The following CACNB4 variants were observed in gnomAD, a reference collection of about 807,000 sequenced individuals.
CACNB4 encodes voltage-dependent L-type calcium channel subunit beta-4.
A neutral mutation model predicts 71.2 loss-of-function variants in CACNB4; 32 were observed. The observed-to-expected ratio is 0.45, with a 90% CI of 0.34 to 0.60. CACNB4 has a LOEUF of 0.60. Among genes scored for constraint, CACNB4 ranks in the 20% least tolerant of loss-of-function variants. CACNB4 has a pLI of 0.01. For missense variants in CACNB4, 464 were observed against 647.9 expected, an observed-to-expected ratio of 0.72 and a Z score of 3.08; for synonymous variants, 231 against 236.9, an observed-to-expected ratio of 0.97 and a Z score of 0.23.
intron 2 of CACNB4, among the ~76,000 whole-genome samples, chr2:151,965,238 C>A (rs140440089): frequency 6.6e-6 from 1 of 152,318 alleles, no homozygotes; most frequent in Admixed American, 6.5e-5. Flanking sequence ...TTGACAAATA[C>A]TTGCCTCCAG....
At chr2:152,034,775 A>T (rs1463726899) in intron 2 of CACNB4, among the ~76,000 whole-genome samples, 1 of 152,184 alleles carries the variant, frequency 6.6e-6, no homozygotes, top group Non-Finnish European at 1.5e-5. Flanking sequence ...CCCCTGGGGT[A>T]AGGAAAAAAA....
intron 2 of CACNB4, among the ~76,000 whole-genome samples, chr2:152,024,294 C>A (rs920764716): frequency 6.6e-6 from 1 of 152,224 alleles, no homozygotes; most frequent in Non-Finnish European, 1.5e-5. Flanking sequence ...CACTGTACCT[C>A]TGTGCCTGGG....
At chr2:151,921,774 ATAGTGAGTTCT>A (rs745824326) in intron 2 of CACNB4, among the ~76,000 whole-genome samples, 23 of 152,168 alleles carry the variant, frequency 1.5e-4, no homozygotes, top group Admixed American at 3.3e-4. Flanking sequence ...TGTTCTTGTG[ATAGTGAGTTCT>A]CACGAGATCT....
chr2:152,083,857 C>T (rs139442927), intron 2 of CACNB4, among the ~76,000 whole-genome samples: 14 of 152,346 alleles, frequency 9.2e-5, no homozygotes, highest in African/African-American at 2.6e-4. Context: ...GTGCCCTCCT[C>T]TGTCCCAAGG....
intron 2 of CACNB4, among the ~76,000 whole-genome samples, chr2:151,979,347 G>A (rs1453915404): frequency 2.0e-5 from 3 of 152,070 alleles, no homozygotes; most frequent in Admixed American, 1.3e-4. Flanking sequence ...ATAAGAGAGT[G>A]AGTGTAGGCA....
Position 151,982,632 on chromosome 2 carries a change from C to CAA in CACNB4, c.148-99264_148-99263dup, listed in dbSNP as rs1227164462. On this transcript the variant is annotated intron_variant, in intron 2 of 13. Transcript: ENST00000539935. ...TGGACGACAGAGCGAGACTCCGTCTCAAAAAAAAAAAAAAAAAAAAGATAC... is the reference window on the plus strand; with the variant it reads ...TGGACGACAGAGCGAGACTCCGTCTCAAAAAAAAAAAAAAAAAAAAAAGATAC... 5.9e-3 allele frequency among the ~76,000 whole-genome samples: 379 copies of CAA among 63,922 alleles called. 3 individuals carry two copies. Among genetic ancestry groups the CAA allele is most frequent in the Non-Finnish European group, 9.4e-3 (264 of 28,168 alleles). 41.9% of individuals were successfully genotyped at this position (63,922 alleles called of 152,430 possible).
At chr2:151,899,295 T>C (rs898363406) in intron 2 of CACNB4, among the ~76,000 whole-genome samples, 1 of 152,090 alleles carries the variant, frequency 6.6e-6, no homozygotes, top group Admixed American at 6.5e-5. Flanking sequence ...TGGTCTTAGA[T>C]GAGGAAGAAA....
intron 9 of CACNB4, among the ~76,000 whole-genome samples, chr2:151,864,862 G>A (rs140888103): frequency 6.6e-6 from 1 of 152,198 alleles, no homozygotes; most frequent in South Asian, 2.1e-4. Flanking sequence ...AATTATTGGA[G>A]ATTTAAAGAC....
At chr2:152,065,410 G>C (rs1051943877) in intron 2 of CACNB4, among the ~76,000 whole-genome samples, 7 of 151,640 alleles carry the variant, frequency 4.6e-5, no homozygotes, top group Non-Finnish European at 8.8e-5. Context: ...AAGAGAGAGA[G>C]AGAAGTTACA....
chr2:151,985,294 C>T (rs372236025), intron 2 of CACNB4, among the ~76,000 whole-genome samples: 2 of 152,108 alleles, frequency 1.3e-5, no homozygotes, highest in East Asian at 3.9e-4. Context: ...ATAAGTGTTC[C>T]CCACATTACT....
rs558033024 is a variant in CACNB4, at chr2:151,992,096, G to T, written c.147+106234C>A. On this transcript the variant is annotated intron_variant, in intron 2 of 13. Transcript: ENST00000539935. ...CCCCCCTTCACCATTGGTGGAGAGG[G>T]CATTAAGTTTCCTCTATTTGGAGAC... Among the ~76,000 whole-genome samples the T allele has an allele frequency of 2.0e-5, 3 of 152,282 alleles. No homozygotes were observed. The South Asian group carries it at 6.2e-4, about 32-fold the overall frequency.
At chr2:151,939,391 G>A (rs554292590) in intron 2 of CACNB4, among the ~76,000 whole-genome samples, 7 of 152,326 alleles carry the variant, frequency 4.6e-5, no homozygotes, top group African/African-American at 1.4e-4. Context: ...TGAGAGTCAG[G>A]AGGAGTGGAG....
chr2:151,918,626 C>T (rs990889218), intron 2 of CACNB4, among the ~76,000 whole-genome samples: 3 of 152,196 alleles, frequency 2.0e-5, no homozygotes, highest in East Asian at 1.9e-4. Context: ...GCTTTATCTA[C>T]CAGAGCTGTG....
At chr2:151,909,461 A>G (rs1049989375) in intron 2 of CACNB4, among the ~76,000 whole-genome samples, 1 of 131,764 alleles carries the variant, frequency 7.6e-6, no homozygotes, top group African/African-American at 2.5e-5. Flanking sequence ...AAAAAAAAAA[A>G]ACAAAAAATG....
At chr2:152,061,293 C>T (rs1419454049) in intron 2 of CACNB4, among the ~76,000 whole-genome samples, 2 of 152,024 alleles carry the variant, frequency 1.3e-5, no homozygotes, top group East Asian at 3.9e-4. Flanking sequence ...GCTTGGGTGA[C>T]AGAGCAAGAT....
intron 3 of CACNB4, among the ~76,000 whole-genome samples, chr2:151,881,479 G>C (rs2099847830): frequency 6.6e-6 from 1 of 152,210 alleles, no homozygotes; most frequent in East Asian, 1.9e-4. Context: ...TCTAGCTAAC[G>C]AAGCTGGTTT....
chr2:151,950,693 C>T (rs2099866713), intron 2 of CACNB4, among the ~76,000 whole-genome samples: 1 of 152,194 alleles, frequency 6.6e-6, no homozygotes, highest in Non-Finnish European at 1.5e-5. Context: ...CATTACACTA[C>T]ATGAATGTCT....
chr2:152,079,387 C>T (rs1033071281), intron 2 of CACNB4, among the ~76,000 whole-genome samples: 6 of 152,028 alleles, frequency 3.9e-5, no homozygotes, highest in South Asian at 4.1e-4. Flanking sequence ...CACGCCCGGC[C>T]GTGTTGTTGT....
At chr2:152,065,509 A>G (rs1686265848) in intron 2 of CACNB4, among the ~76,000 whole-genome samples, 2 of 152,234 alleles carry the variant, frequency 1.3e-5, no homozygotes, top group Non-Finnish European at 2.9e-5. Context: ...TATGAGGGAA[A>G]GAAAGAGTGC....
Sources: allele counts gnomAD v4.1 joint callset (sites outside exome capture counted in the v4.1 genomes callset), GRCh38; gene constraint gnomAD v4.1.1; transcripts MANE v1.5; gene names NCBI Gene and HGNC (gene_info 2026-07-23, HGNC 2026-07-21).